CCDC13: variants seen among roughly 807,000 people sequenced by gnomAD.
CCDC13 encodes the protein coiled-coil domain containing 13.
A neutral mutation model predicts 87.3 loss-of-function variants in CCDC13; 70 were observed. The ratio of observed to expected loss-of-function variants is 0.80; its 90% confidence interval spans 0.66 to 0.98. CCDC13 has a LOEUF of 0.98. CCDC13 is among the 50% of genes least tolerant of loss of function. The probability of loss-of-function intolerance (pLI) is 0.00; values close to 1 mark genes in which losing one functional copy is unlikely to be tolerated. For missense variants in CCDC13, 842 were observed against 892.0 expected, an observed-to-expected ratio of 0.94 and a Z score of 0.71; for synonymous variants, 317 against 360.3, an observed-to-expected ratio of 0.88 and a Z score of 1.36.
chr3:42,724,817 T>TG (rs1232352218), intron 13 of CCDC13, among the ~76,000 whole-genome samples: 4 of 152,106 alleles, frequency 2.6e-5, no homozygotes, highest in Admixed American at 6.6e-5. Context: ...ACTGTAACTG[T>TG]GGGGGTGCTG....
At chr3:42,710,605 G>A (rs1298583517) in intron 14 of CCDC13, among the ~76,000 whole-genome samples, 2 of 152,176 alleles carry the variant, frequency 1.3e-5, no homozygotes, top group African/African-American at 4.8e-5. Flanking sequence ...GCCAAGTGGG[G>A]GCAGATTGCT....
chr3:42,713,081 A>T, intron 14 of CCDC13, 81 bp downstream of exon 14: 2 of 1,505,424 alleles, frequency 1.3e-6, no homozygotes, highest in Non-Finnish European at 1.8e-6. Context: ...TGATGGGCTG[A>T]ACAGTGCAGC....
chr3:42,712,565 G>A (rs1314419339), intron 14 of CCDC13, among the ~76,000 whole-genome samples: 1 of 152,224 alleles, frequency 6.6e-6, no homozygotes. Context: ...AGTGACATAT[G>A]CAACCGTAAA....
In CCDC13 at chr3:42,707,802, G is replaced by T. The variant is rs1412533645; in HGVS notation, c.*1178C>A. Among the ~76,000 whole-genome samples, 1 of 152,216 alleles carries T rather than the reference G, an allele frequency of 6.6e-6. No homozygotes were observed. The highest frequency in any genetic ancestry group is 2.4e-5 in the African/African-American group (1 of 41,454). On this transcript the variant is annotated 3_prime_UTR_variant, in exon 16 of 16. Coordinates refer to ENST00000310232, the MANE Select transcript of CCDC13 (RefSeq NM_144719.4). The stretch of plus-strand genomic sequence containing the variant: ...TGCTCCTGAATTGAGGTATGTGTGT[G>T]CATCTGCATCTTTGTGTGGGGCTGT...
Position 42,752,016 on chromosome 3 carries a change from C to T in CCDC13, c.523G>A (p.Ala175Thr), listed in dbSNP as rs746616993. ...IQELERELQT[A>T]LTRLSAKGAT... ...CCCTTGGCTGACAGCCTGGTCAGGG[C>T]TGTCTGCAGCTGAAAAAGCAAACCT... Residue 175 changes from alanine (A) to threonine (T), a missense_variant, in exon 5 of 16, where the codon GCC becomes ACC. Ala to Thr is a moderately conservative substitution (Grantham distance 58, BLOSUM62 0). Coordinates refer to ENST00000310232, the MANE Select transcript of CCDC13 (RefSeq NM_144719.4). 1.4e-5 allele frequency: 23 copies of T among 1,605,780 alleles called. No homozygotes were observed. The Admixed American group carries it at 3.8e-4, about 27-fold the overall frequency.
intron 1 of CCDC13, chr3:42,771,210 G>A (rs966438041): frequency 2.6e-5 from 4 of 152,164 alleles, no homozygotes; most frequent in Non-Finnish European, 5.9e-5. Context: ...GGTCTGAAAA[G>A]GCTACATGCT....
intron 14 of CCDC13, among the ~76,000 whole-genome samples, chr3:42,710,028 C>T (rs370662564): frequency 6.6e-6 from 1 of 152,056 alleles, no homozygotes; most frequent in Non-Finnish European, 1.5e-5. Flanking sequence ...TGACTCTGCT[C>T]GCTTTGTACC....
chr3:42,739,676 C>A lies in CCDC13; in HGVS notation c.1122G>T (p.Val374=). 2 of 1,614,204 alleles carry A rather than the reference C, an allele frequency of 1.2e-6. No homozygotes were observed. The highest frequency in any genetic ancestry group is 1.7e-4 in the Middle Eastern group (1 of 6,060). The change falls in exon 9 of 16, where the codon GTG becomes GTT. Residue 374 remains valine (V), a synonymous_variant. Transcript: ENST00000310232. The part of the protein sequence containing the change: ...KTLKSQMGTL[V]EKGRHDDELI... ...GCTCGTCATCATGCCGGCCCTTCTC[C>A]ACCAGGGTTCCCATCTGACTCTTGA...
intron 12 of CCDC13, 131 bp from the exon 13 acceptor site, chr3:42,730,720 A>T: frequency 8.1e-7 from 1 of 1,238,684 alleles, no homozygotes; most frequent in Non-Finnish European, 1.1e-6. Context: ...AAGCAAACCC[A>T]GTCCCTCTAG....
chr3:42,731,143 T>C (rs560760280), intron 12 of CCDC13, among the ~76,000 whole-genome samples: 116 of 152,240 alleles, frequency 7.6e-4, no homozygotes, highest in African/African-American at 2.7e-3. Flanking sequence ...GGACAGAAGG[T>C]AAACTCTGCC....
intron 1 of CCDC13, among the ~76,000 whole-genome samples, chr3:42,759,774 A>G (rs1699789877): frequency 1.3e-5 from 2 of 152,340 alleles, no homozygotes; most frequent in African/African-American, 4.8e-5. Context: ...ATAAGAAGGT[A>G]TTTGTGTGAA....
rs1469020101 is a variant in CCDC13 at position 42,773,194 on chromosome 3, C to G, written c.-25G>C. The G allele has an allele frequency of 6.6e-6, 1 of 152,272 alleles. No individual in the cohort carries two copies. Among genetic ancestry groups the G allele is most frequent in the African/African-American group, 2.4e-5 (1 of 41,466 alleles). 9.4% of individuals were successfully genotyped at this position (152,272 alleles called of 1,614,324 possible). A position where few individuals can be genotyped will look rare whatever the true frequency, so the allele number is the denominator to read the frequency against. On this transcript the variant is annotated 5_prime_UTR_variant, in exon 1 of 16. Coordinates refer to ENST00000310232, the MANE Select transcript of CCDC13 (RefSeq NM_144719.4). ...CACTTACAGCGGTCTCTCTCCACTT[C>G]TCCCTTCTAGGACCGCGGCGGCTAG...
At position 42,739,767 on chromosome 3, in the gene CCDC13, T is replaced by C. The variant is rs1699155798; in HGVS notation, c.1031A>G (p.Glu344Gly). The C allele has an allele frequency of 5.6e-6, 9 of 1,614,034 alleles. No homozygotes were observed. The highest frequency in any genetic ancestry group is 7.6e-6 in the Non-Finnish European group (9 of 1,180,022). ...ERDVLQRELE[E>G]LKKKFEGMRS... ...CATGCCCTCGAACTTCTTTTTTAGC[T>C]CTTCAAGCTCTCTCTGGAGGACATC... The change falls in exon 9 of 16, where the codon GAG becomes GGG. Residue 344 changes from glutamate (E) to glycine (G), a missense_variant. Coordinates refer to ENST00000310232, the MANE Select transcript of CCDC13 (RefSeq NM_144719.4).
chr3:42,752,758 C>T (rs1258215658), intron 3 of CCDC13, 41 bp from the exon 4 acceptor site: 2 of 1,609,000 alleles, frequency 1.2e-6, no homozygotes, highest in Non-Finnish European at 1.7e-6. Flanking sequence ...AAAACACAGG[C>T]ATACACATCA....
At chr3:42,766,647 A>C (rs1022171902) in intron 1 of CCDC13, among the ~76,000 whole-genome samples, 2 of 151,894 alleles carry the variant, frequency 1.3e-5, no homozygotes, top group African/African-American at 4.8e-5. Context: ...AAACAAACAA[A>C]CTTCCTCTCC....
intron 6 of CCDC13, 56 bp downstream of exon 6, chr3:42,747,201 C>G (rs754718439): frequency 7.4e-7 from 1 of 1,346,486 alleles, no homozygotes; most frequent in African/African-American, 1.4e-5. Context: ...CAGCCGTGCT[C>G]TTCCCAAGTC....
intron 13 of CCDC13, among the ~76,000 whole-genome samples, chr3:42,716,643 A>T (rs1698436788): frequency 6.6e-6 from 1 of 152,332 alleles, no homozygotes; most frequent in African/African-American, 2.4e-5. Context: ...AAGAGATATC[A>T]CTTCAAACCT....
chr3:42,772,267 C>CAAAAAAAAAAAAAAAAAAAAAAGA (rs1559669673), intron 1 of CCDC13, among the ~76,000 whole-genome samples: 2 of 113,866 alleles, frequency 1.8e-5, no homozygotes, highest in Non-Finnish European at 3.4e-5. Flanking sequence ...GAGACTCCGT[C>CAAAAAAAAAAAAAAAAAAAAAAGA]AAAAAAAAAA....
At chr3:42,744,121 C>G (rs1425262601) in intron 7 of CCDC13, among the ~76,000 whole-genome samples, 1 of 152,152 alleles carries the variant, frequency 6.6e-6, no homozygotes, top group Non-Finnish European at 1.5e-5. Context: ...GACATGGAAT[C>G]TGCATTTTAA....
Sources: allele counts gnomAD v4.1 joint callset (sites outside exome capture counted in the v4.1 genomes callset), GRCh38; gene constraint gnomAD v4.1.1; transcripts MANE v1.5; gene names NCBI Gene and HGNC (gene_info 2026-07-23, HGNC 2026-07-21).